Variants in CDH6 observed in about 807,000 individuals in gnomAD.
CDH6 encodes cadherin-6.
A neutral mutation model predicts 78.0 loss-of-function variants in CDH6; 31 were observed. The ratio of observed to expected loss-of-function variants is 0.40; its 90% CI spans 0.30 to 0.54. The LOEUF (loss-of-function observed/expected upper bound fraction) is 0.54, where lower values mean the gene tolerates loss of function less well. CDH6 is among the 20% of genes least tolerant of loss of function. The probability of loss-of-function intolerance (pLI) is 0.56; values close to 1 mark genes in which losing one functional copy is unlikely to be tolerated. For missense variants in CDH6, 724 were observed against 975.9 expected (o/e 0.74, Z 3.44); for synonymous variants, 376 against 368.8 (o/e 1.02, Z -0.23).
intron 2 of CDH6, among the ~76,000 whole-genome samples, chr5:31,279,287 G>A (rs1049878084): frequency 1.3e-5 from 2 of 152,032 alleles, no homozygotes; most frequent in African/African-American, 4.8e-5. Flanking sequence ...GAAAATCATG[G>A]CTGGGCACAA....
At chr5:31,321,640 G>T (rs948405111) in intron 11 of CDH6, among the ~76,000 whole-genome samples, 2 of 152,068 alleles carry the variant, frequency 1.3e-5, no homozygotes, top group Admixed American at 1.3e-4. Flanking sequence ...TTAATATATA[G>T]ATACATGGGT....
chr5:31,300,875 C>T (rs1737747279), intron 5 of CDH6, among the ~76,000 whole-genome samples: 1 of 152,204 alleles, frequency 6.6e-6, no homozygotes, highest in Non-Finnish European at 1.5e-5. Context: ...AATCCCAGAG[C>T]TTTGGGAGGC....
At chr5:31,277,897 T>C (rs974973166) in intron 2 of CDH6, among the ~76,000 whole-genome samples, 3 of 152,232 alleles carry the variant, frequency 2.0e-5, no homozygotes, top group Non-Finnish European at 2.9e-5. Context: ...ACAAAAATTA[T>C]ATATACTTAG....
intron 2 of CDH6, among the ~76,000 whole-genome samples, chr5:31,277,314 A>G (rs1396285798): frequency 6.6e-6 from 1 of 152,156 alleles, no homozygotes; most frequent in Non-Finnish European, 1.5e-5. Flanking sequence ...ATTGCCATGA[A>G]TGTTATTATA....
chr5:31,215,189 A>G (rs1740829631), intron 1 of CDH6, among the ~76,000 whole-genome samples: 1 of 152,226 alleles, frequency 6.6e-6, no homozygotes, highest in Non-Finnish European at 1.5e-5. Context: ...TCACATAGAT[A>G]CTACATTTAT....
At chr5:31,251,428 A>G (rs1741904871) in intron 1 of CDH6, 1 of 152,346 alleles carries the variant, frequency 6.6e-6, no homozygotes. Flanking sequence ...CGAGGACACT[A>G]GGTCTAAGGG....
At chr5:31,204,061 T>G (rs1248835733) in intron 1 of CDH6, among the ~76,000 whole-genome samples, 2 of 152,222 alleles carry the variant, frequency 1.3e-5, no homozygotes, top group African/African-American at 4.8e-5. Flanking sequence ...TTTGCATTCA[T>G]AGCAAATGCT....
chr5:31,227,399 CAAGTATAG>C (rs1741183310), intron 1 of CDH6, among the ~76,000 whole-genome samples: 1 of 152,090 alleles, frequency 6.6e-6, no homozygotes, highest in Non-Finnish European at 1.5e-5. Context: ...ATACTGTATA[CAAGTATAG>C]AAGTACATTA....
At chr5:31,196,519 T>C (rs1275559732) in intron 1 of CDH6, among the ~76,000 whole-genome samples, 1 of 152,200 alleles carries the variant, frequency 6.6e-6, no homozygotes, top group East Asian at 1.9e-4. Context: ...TTTGAACTAT[T>C]CAAACTTTTT....
chr5:31,316,530 G>T (rs779185400), intron 9 of CDH6, among the ~76,000 whole-genome samples: 7 of 152,312 alleles, frequency 4.6e-5, no homozygotes, highest in Middle Eastern at 3.4e-3. Context: ...ATCAAAGACT[G>T]AGGCTGATTC....
Position 31,263,242 on chromosome 5 carries a change from T to G in CDH6, c.-128-4104T>G, listed in dbSNP as rs564801820. ...TGAGGGGGCTCAGCATGCTAACATG[T>G]GATTCAGGTCTCTCTTCTTTTTTTT... On this transcript the variant is annotated intron_variant, in intron 1 of 11. Coordinates refer to ENST00000265071, the MANE Select transcript of CDH6 (RefSeq NM_004932.4). Among the ~76,000 whole-genome samples the G allele has an allele frequency of 8.0e-4, 120 of 150,218 alleles. 3 individuals carry two copies. The South Asian group carries it at 0.025, about 31-fold the overall frequency.
rs550404415 is a variant in CDH6 at position 31,194,170 on chromosome 5, G to C, written c.-129+284G>C. 1.3e-3 allele frequency among the ~76,000 whole-genome samples: 191 copies of C among 152,206 alleles called. 1 individual carries two copies. The highest frequency in any genetic ancestry group is 4.5e-3 in the African/African-American group (187 of 41,560). On this transcript the variant is annotated intron_variant, in intron 1 of 11. Coordinates refer to ENST00000265071, the MANE Select transcript of CDH6 (RefSeq NM_004932.4). The stretch of plus-strand genomic sequence containing the variant: ...AGACCGATCCGCCGTGGGGCTGGGT[G>C]GGGGCACCGGGAAGCGGGCCGCCGC...
intron 1 of CDH6, among the ~76,000 whole-genome samples, chr5:31,214,001 C>T (rs111851461): frequency 0.01 from 1,565 of 152,250 alleles, 38 homozygotes; most frequent in African/African-American, 0.036. Context: ...TCCGAGGCTT[C>T]TACTTTGTAA....
In CDH6 at chr5:31,297,252, C is replaced by T. The variant is rs780769067; in HGVS notation, c.524-37C>T. ...TGTGTGTCAAAGATTGATATGAACT[C>T]TTGATGTGTTTTCAGTTTATATTTC... On this transcript the variant is annotated intron_variant, in intron 3 of 11. Transcript: ENST00000265071. The T allele has an allele frequency of 2.5e-6, 4 of 1,585,456 alleles. No individual in the cohort carries two copies. In the Admixed American group the frequency reaches 6.7e-5, roughly 27 times the overall value.
intron 1 of CDH6, among the ~76,000 whole-genome samples, chr5:31,222,161 A>G (rs1315768657): frequency 6.6e-6 from 1 of 152,170 alleles, no homozygotes; most frequent in Admixed American, 6.5e-5. Context: ...ACTTTTTTTC[A>G]ATAGGGATAT....
intron 1 of CDH6, among the ~76,000 whole-genome samples, 158 bp downstream of exon 1, chr5:31,194,044 G>T (rs1469172608): frequency 6.6e-6 from 1 of 152,134 alleles, no homozygotes; most frequent in African/African-American, 2.4e-5. Context: ...CCGGGTCGGG[G>T]CGGGCGCGCG....
At chr5:31,282,105 G>A (rs984212737) in intron 2 of CDH6, among the ~76,000 whole-genome samples, 5 of 152,276 alleles carry the variant, frequency 3.3e-5, no homozygotes, top group Middle Eastern at 3.4e-3. Flanking sequence ...TTGAATTTCA[G>A]AAATATGGAG....
Position 31,323,986 on chromosome 5 carries a change from G to T in CDH6, c.*678G>T. The T allele has an allele frequency of 4.4e-6, 1 of 226,178 alleles. No homozygotes were observed. The highest frequency in any genetic ancestry group is 6.4e-5 in the East Asian group (1 of 15,672). The allele number at this position is 226,178 out of a possible 1,614,324, so 14.0% of individuals were successfully genotyped here. A position where few individuals can be genotyped will look rare whatever the true frequency, so the allele number is the denominator to read the frequency against. ...CATTCCTTCCACTAACTCATAGTTT[G>T]TTATATCCTAGACTAGACATGCGAA... On this transcript the variant is annotated 3_prime_UTR_variant, in exon 12 of 12. Coordinates refer to ENST00000265071, the MANE Select transcript of CDH6 (RefSeq NM_004932.4).
chr5:31,327,929 T>G lies in CDH6; in HGVS notation c.*4621T>G. The G allele has an allele frequency of 4.6e-6, 1 of 216,624 alleles. No homozygotes were observed. Among genetic ancestry groups the G allele is most frequent in the Non-Finnish European group, 9.3e-6 (1 of 107,488 alleles). The allele number at this position is 216,624 out of a possible 1,614,324, so 13.4% of individuals were successfully genotyped here. On this transcript the variant is annotated 3_prime_UTR_variant, in exon 12 of 12. Coordinates refer to ENST00000265071, the MANE Select transcript of CDH6 (RefSeq NM_004932.4). ...ATGGTCTCTGCATCGTCAATTTAATTTAAGCATTGCTGAGACAATCTTTAA... is the reference window on the plus strand; with the variant it reads ...ATGGTCTCTGCATCGTCAATTTAATGTAAGCATTGCTGAGACAATCTTTAA...
Sources: allele counts gnomAD v4.1 joint callset (sites outside exome capture counted in the v4.1 genomes callset), GRCh38; gene constraint gnomAD v4.1.1; transcripts MANE v1.5; gene names NCBI Gene and HGNC (gene_info 2026-07-23, HGNC 2026-07-21).